LEF1: variants seen among roughly 807,000 people sequenced by gnomAD.
LEF1 encodes lymphoid enhancer-binding factor 1.
In LEF1, 14 loss-of-function variants were observed where a neutral mutation model predicts 51.2. The ratio of observed to expected loss-of-function variants is 0.27; its 90% CI spans 0.18 to 0.43. The LOEUF is 0.43. LEF1 is among the 20% of genes least tolerant of loss of function. The pLI is 1.00. For missense variants in LEF1, 386 were observed against 512.0 expected (o/e 0.75, Z 2.37); for synonymous variants, 185 against 183.2 (o/e 1.01, Z -0.08).
intron 3 of LEF1, among the ~76,000 whole-genome samples, chr4:108,137,042 T>C (rs1743309480): frequency 6.6e-6 from 1 of 152,200 alleles, no homozygotes; most frequent in African/African-American, 2.4e-5. Flanking sequence ...TTGACTTTAA[T>C]GTTAGTTAAA....
chr4:108,126,454 T>C (rs527483688), intron 3 of LEF1, among the ~76,000 whole-genome samples: 236 of 152,266 alleles, frequency 1.5e-3, no homozygotes, highest in African/African-American at 5.4e-3. Context: ...TATAACTTAA[T>C]AGTTTCTCAA....
intron 10 of LEF1, among the ~76,000 whole-genome samples, 156 bp downstream of exon 10, chr4:108,064,179 CT>C (rs2126266759): frequency 6.6e-6 from 1 of 152,182 alleles, no homozygotes; most frequent in South Asian, 2.1e-4. Context: ...AAAGAAGGGT[CT>C]TTTAAATTTT....
chr4:108,126,668 A>G (rs576836629), intron 3 of LEF1, among the ~76,000 whole-genome samples: 4 of 151,744 alleles, frequency 2.6e-5, no homozygotes, highest in Admixed American at 6.6e-5. Context: ...GCCGGGCATG[A>G]TGGTGCATGC....
intron 3 of LEF1, among the ~76,000 whole-genome samples, chr4:108,121,669 T>C (rs1416146368): frequency 6.6e-6 from 1 of 152,158 alleles, no homozygotes; most frequent in African/African-American, 2.4e-5. Context: ...TCTCCAAAAA[T>C]ACAGGGGCCA....
intron 9 of LEF1, among the ~76,000 whole-genome samples, chr4:108,066,159 G>A (rs1430388934): frequency 1.3e-5 from 2 of 152,096 alleles, no homozygotes; most frequent in Non-Finnish European, 2.9e-5. Context: ...CCTATAAGTG[G>A]GGCTTCTTTC....
At chr4:108,082,778 T>C (rs1410158937) in intron 5 of LEF1, among the ~76,000 whole-genome samples, 1 of 152,200 alleles carries the variant, frequency 6.6e-6, no homozygotes, top group Non-Finnish European at 1.5e-5. Flanking sequence ...AAGCATATTT[T>C]TAGAAATAAA....
At chr4:108,055,430 G>T (rs1043061621) in intron 11 of LEF1, among the ~76,000 whole-genome samples, 2 of 152,146 alleles carry the variant, frequency 1.3e-5, no homozygotes, top group East Asian at 1.9e-4. Flanking sequence ...TGCTGAAGAA[G>T]ACAGAGTTGC....
At chr4:108,052,770 A>G (rs931097596) in intron 11 of LEF1, among the ~76,000 whole-genome samples, 1 of 152,200 alleles carries the variant, frequency 6.6e-6, no homozygotes, top group Non-Finnish European at 1.5e-5. Context: ...TAAAAGTGAC[A>G]GTCTTGTTGA....
chr4:108,093,479 C>T (rs1740186845), intron 3 of LEF1, among the ~76,000 whole-genome samples: 1 of 152,154 alleles, frequency 6.6e-6, no homozygotes, highest in African/African-American at 2.4e-5. Context: ...TAAGTCTTAG[C>T]TTCCAGTTGA....
At chr4:108,136,695 T>A (rs1560816590) in intron 3 of LEF1, among the ~76,000 whole-genome samples, 1 of 152,160 alleles carries the variant, frequency 6.6e-6, no homozygotes, top group African/African-American at 2.4e-5. Flanking sequence ...TCTAATAATA[T>A]AGGGTCATTT....
chr4:108,052,348 C>T (rs376663689), intron 11 of LEF1, among the ~76,000 whole-genome samples: 28 of 152,354 alleles, frequency 1.8e-4, no homozygotes, highest in African/African-American at 6.3e-4. Flanking sequence ...CTTCCTTTTA[C>T]GCCACTCTCA....
chr4:108,167,820 G>C lies in LEF1; in HGVS notation c.-53C>G. On this transcript the variant is annotated 5_prime_UTR_variant, in exon 1 of 12. Coordinates refer to ENST00000265165, the MANE Select transcript of LEF1 (RefSeq NM_016269.5). The surrounding 1 kb of genome is among the most constrained non-coding windows in gnomAD (Gnocchi z 5.7). Reference sequence around the variant, plus strand: ...CTGTGGGAGCACCCGCGCAACAGCAGGAAAGACAGAGGGGTAACTCAAGGG... The same window carrying C: ...CTGTGGGAGCACCCGCGCAACAGCACGAAAGACAGAGGGGTAACTCAAGGG... 1 of 1,519,910 alleles carries C rather than the reference G, an allele frequency of 6.6e-7. No individual in the cohort carries two copies. Among genetic ancestry groups the C allele is most frequent in the Non-Finnish European group, 9.0e-7 (1 of 1,108,378 alleles). The allele number at this position is 1,519,910 out of a possible 1,614,324, so 94.2% of individuals were successfully genotyped here.
Position 108,135,176 on chromosome 4 carries a change from A to T in LEF1, c.414+28392T>A, listed in dbSNP as rs138351161. Among the ~76,000 whole-genome samples the T allele has an allele frequency of 3.5e-3, 531 of 152,304 alleles. 3 individuals carry two copies. The highest frequency in any genetic ancestry group is 0.012 in the African/African-American group (514 of 41,556). On this transcript the variant is annotated intron_variant, in intron 3 of 11. Coordinates refer to ENST00000265165, the MANE Select transcript of LEF1 (RefSeq NM_016269.5). ...GAGCCCAGGTGTCAAGACGCTATTAAGACTCTAAAACCTGCAGCGCATTAA... is the reference window on the plus strand; with the variant it reads ...GAGCCCAGGTGTCAAGACGCTATTATGACTCTAAAACCTGCAGCGCATTAA...
At chr4:108,155,258 G>A (rs536395757) in intron 3 of LEF1, among the ~76,000 whole-genome samples, 23 of 152,098 alleles carry the variant, frequency 1.5e-4, no homozygotes, top group Middle Eastern at 3.4e-3. Context: ...TGAGACTTTC[G>A]GCTAACAAAC....
intron 3 of LEF1, among the ~76,000 whole-genome samples, chr4:108,094,418 C>T (rs756602859): frequency 1.1e-4 from 17 of 152,172 alleles, no homozygotes; most frequent in Non-Finnish European, 2.4e-4. Flanking sequence ...GAAGTGGGTG[C>T]CACTTAGGGA....
chr4:108,166,754 T>G, intron 1 of LEF1: 1 of 988,282 alleles, frequency 1.0e-6, no homozygotes, highest in Non-Finnish European at 1.2e-6. Context: ...GCCTTTCTTC[T>G]GCGTAGATTT....
At position 108,047,794 on chromosome 4, in the gene LEF1, C is replaced by T. The variant is rs1344969003; in HGVS notation, c.*964G>A. Reference sequence around the variant, plus strand: ...AACAATTCAAGTGCTGGGCTTTTTACAACAAGGGGGTGATAAGGAAAGAAA... The same window carrying T: ...AACAATTCAAGTGCTGGGCTTTTTATAACAAGGGGGTGATAAGGAAAGAAA... On this transcript the variant is annotated 3_prime_UTR_variant, in exon 12 of 12. Coordinates refer to ENST00000265165, the MANE Select transcript of LEF1 (RefSeq NM_016269.5). 6.6e-6 allele frequency: 1 copy of T among 152,486 alleles called. No homozygotes were observed. Among genetic ancestry groups the T allele is most frequent in the Admixed American group, 6.5e-5 (1 of 15,278 alleles). The allele number at this position is 152,486 out of a possible 1,614,324, so 9.4% of individuals were successfully genotyped here. A position where few individuals can be genotyped will look rare whatever the true frequency, so the allele number is the denominator to read the frequency against.
rs371726291 is a variant in LEF1, at chr4:108,087,104, GA to G, written c.547+2020del. 5.0e-3 allele frequency among the ~76,000 whole-genome samples: 766 copies of G among 152,216 alleles called. 8 individuals are homozygous for G. Among genetic ancestry groups the G allele is most frequent in the African/African-American group, 0.017 (717 of 41,528 alleles). On this transcript the variant is annotated intron_variant, in intron 4 of 11. Coordinates refer to ENST00000265165, the MANE Select transcript of LEF1 (RefSeq NM_016269.5). ...TACCATCATGCCCTAAGGCAGGAGAGAAAAAGAATTAAAAGGAAGAGATCTA... is the reference window on the plus strand; with the variant it reads ...TACCATCATGCCCTAAGGCAGGAGAGAAAAGAATTAAAAGGAAGAGATCTA...
intron 8 of LEF1, 71 bp downstream of exon 8, chr4:108,078,149 A>T: frequency 6.9e-7 from 1 of 1,445,544 alleles, no homozygotes; most frequent in Non-Finnish European, 9.6e-7. Context: ...ATATGGGATT[A>T]AATTGGGGCA....
Sources: gnomAD v4.1 joint callset for allele counts (sites outside exome capture counted in the v4.1 genomes callset) on GRCh38, gnomAD v4.1.1 for gene constraint, Gnocchi (gnomAD v3.1) non-coding constraint, MANE v1.5 for transcripts, NCBI Gene and HGNC (gene_info 2026-07-23, HGNC 2026-07-21) for gene names.